The following CSRNP3 variants were observed in gnomAD, a reference collection of about 807,000 sequenced individuals.
The protein encoded by CSRNP3 is cysteine/serine-rich nuclear protein 3.
Under a neutral mutation model 48.0 loss-of-function variants are expected in CSRNP3, and 12 were observed. That is an observed-to-expected ratio of 0.25 (90% CI 0.16 to 0.41). The LOEUF (loss-of-function observed/expected upper bound fraction) is 0.41. Among genes scored for constraint, CSRNP3 ranks in the 10% least tolerant of loss-of-function variants. The pLI, the probability that CSRNP3 is intolerant of heterozygous loss-of-function variation, is 1.00. For missense variants in CSRNP3, 580 were observed against 724.4 expected (o/e 0.80, Z 2.29); for synonymous variants, 263 against 269.7 (o/e 0.98, Z 0.24).
At chr2:165,606,954 C>T (rs1320384985) in intron 4 of CSRNP3, among the ~76,000 whole-genome samples, 2 of 152,050 alleles carry the variant, frequency 1.3e-5, no homozygotes, top group Non-Finnish European at 2.9e-5. Flanking sequence ...TAGCTACACT[C>T]TCTTAACTTT....
At chr2:165,634,403 G>A (rs1686593763) in intron 4 of CSRNP3, among the ~76,000 whole-genome samples, 1 of 152,116 alleles carries the variant, frequency 6.6e-6, no homozygotes, top group Non-Finnish European at 1.5e-5. Context: ...AACACATATT[G>A]AGCACCTGTT....
At chr2:165,623,090 T>TA (rs574085114) in intron 4 of CSRNP3, among the ~76,000 whole-genome samples, 1 of 152,068 alleles carries the variant, frequency 6.6e-6, no homozygotes, top group Non-Finnish European at 1.5e-5. Flanking sequence ...ATAAATAAAA[T>TA]AAAAAAATGA....
At chr2:165,653,229 T>C (rs1030944223) in intron 4 of CSRNP3, among the ~76,000 whole-genome samples, 3 of 152,240 alleles carry the variant, frequency 2.0e-5, no homozygotes, top group East Asian at 1.9e-4. Context: ...GCCACACTTA[T>C]AATATCCCCT....
At chr2:165,655,397 T>G (rs548653343) in intron 4 of CSRNP3, among the ~76,000 whole-genome samples, 2 of 152,204 alleles carry the variant, frequency 1.3e-5, no homozygotes, top group Non-Finnish European at 2.9e-5. Flanking sequence ...AATTGGGACA[T>G]GAGTAATATC....
rs188205471 is a variant in CSRNP3 at position 165,662,044 on chromosome 2, G to T, written c.408+4024G>T. On this transcript the variant is annotated intron_variant, in intron 5 of 6. Transcript: ENST00000651982. ...TATATAATGGCACCTCTCATAATGG[G>T]GCTTTAATAGAGAAATATGAGAAAA... Among the ~76,000 whole-genome samples the T allele has an allele frequency of 1.8e-3, 275 of 150,668 alleles. 2 individuals carry two copies. The highest frequency in any genetic ancestry group is 6.4e-3 in the African/African-American group (260 of 40,626).
At chr2:165,471,806 T>G (rs2105442433) in intron 1 of CSRNP3, among the ~76,000 whole-genome samples, 1 of 150,792 alleles carries the variant, frequency 6.6e-6, no homozygotes, top group Middle Eastern at 3.4e-3. Context: ...TACTGCAGAG[T>G]CCACAGGAAG....
At chr2:165,599,301 G>GAA (rs1391345070) in intron 4 of CSRNP3, among the ~76,000 whole-genome samples, 27 of 147,202 alleles carry the variant, frequency 1.8e-4, no homozygotes, top group Non-Finnish European at 3.1e-4. Context: ...AAGAAAGAAA[G>GAA]AAAGAAAGAA....
At chr2:165,597,974 T>C (rs1390252239) in intron 4 of CSRNP3, among the ~76,000 whole-genome samples, 1 of 152,148 alleles carries the variant, frequency 6.6e-6, no homozygotes, top group Non-Finnish European at 1.5e-5. Flanking sequence ...GGCACACACA[T>C]TGCTATGAAT....
rs369372860 is a variant in CSRNP3 at position 165,590,890 on chromosome 2, G to A, written c.-23-4153G>A. 2.6e-5 allele frequency among the ~76,000 whole-genome samples: 4 copies of A among 151,422 alleles called. No homozygotes were observed. In the South Asian group the frequency reaches 6.2e-4, roughly 24 times the overall value. ...AGCAGCATGAGACTAGACTAATACA[G>A]TAAATTGGTACCACAGGGAGTGGGG... On this transcript the variant is annotated intron_variant, in intron 3 of 6. Transcript: ENST00000651982.
intron 1 of CSRNP3, among the ~76,000 whole-genome samples, chr2:165,484,616 G>T (rs1684088700): frequency 1.3e-5 from 2 of 152,172 alleles, no homozygotes; most frequent in Non-Finnish European, 2.9e-5. Flanking sequence ...TATTGTTTAT[G>T]ATCACTTTTG....
At chr2:165,591,894 C>G (rs969510178) in intron 3 of CSRNP3, among the ~76,000 whole-genome samples, 4 of 152,186 alleles carry the variant, frequency 2.6e-5, no homozygotes, top group African/African-American at 9.7e-5. Flanking sequence ...GTTGGAGCCC[C>G]CACACAGAGT....
chr2:165,575,033 T>A (rs1685426054), intron 3 of CSRNP3, among the ~76,000 whole-genome samples: 1 of 152,214 alleles, frequency 6.6e-6, no homozygotes, highest in African/African-American at 2.4e-5. Flanking sequence ...TTGTTATAAA[T>A]TCTCTTTGGG....
intron 4 of CSRNP3, among the ~76,000 whole-genome samples, chr2:165,644,288 A>T (rs1478012817): frequency 6.6e-6 from 1 of 152,172 alleles, no homozygotes; most frequent in Non-Finnish European, 1.5e-5. Context: ...TCAATACATA[A>T]TTTTTTCTTT....
intron 4 of CSRNP3, among the ~76,000 whole-genome samples, chr2:165,653,972 CAAAAAAAAAAAAAAA>C (rs71028497): frequency 6.5e-4 from 27 of 41,226 alleles, no homozygotes; most frequent in Middle Eastern, 0.036. Context: ...AGCTCTATCA[CAAAAAAAAAAAAAAA>C]AAAAAAAAAA....
chr2:165,599,902 TAACA>T (rs1393397701), intron 4 of CSRNP3, among the ~76,000 whole-genome samples: 2 of 150,466 alleles, frequency 1.3e-5, no homozygotes, highest in African/African-American at 2.4e-5. Flanking sequence ...TGTGTAGCAT[TAACA>T]AACAATTTAA....
intron 1 of CSRNP3, among the ~76,000 whole-genome samples, chr2:165,480,716 C>T (rs560838638): frequency 6.8e-5 from 10 of 147,686 alleles, no homozygotes; most frequent in East Asian, 2.0e-4. Context: ...AGGAATTCAT[C>T]GTTAAAGGTA....
chr2:165,553,919 A>C (rs1296237488), intron 3 of CSRNP3, among the ~76,000 whole-genome samples: 2 of 152,098 alleles, frequency 1.3e-5, no homozygotes, highest in Non-Finnish European at 2.9e-5. Context: ...GTTACCTTCC[A>C]TCTACTGCCC....
intron 3 of CSRNP3, among the ~76,000 whole-genome samples, chr2:165,557,009 AG>A (rs935754307): frequency 1.3e-5 from 2 of 152,190 alleles, no homozygotes; most frequent in African/African-American, 4.8e-5. Context: ...GTGTGATTAT[AG>A]GCTGAGCGGA....
chr2:165,630,112 A>T (rs1356013611), intron 4 of CSRNP3, among the ~76,000 whole-genome samples: 4 of 152,172 alleles, frequency 2.6e-5, no homozygotes, highest in African/African-American at 9.7e-5. Context: ...CTAAAATAAA[A>T]CCTAGGGTGC....
Sources: allele counts gnomAD v4.1 joint callset (sites outside exome capture counted in the v4.1 genomes callset), GRCh38; gene constraint gnomAD v4.1.1; transcripts MANE v1.5; gene names NCBI Gene and HGNC (gene_info 2026-07-23, HGNC 2026-07-21).